Variants in APOBEC3B observed in about 807,000 individuals in gnomAD.
APOBEC3B encodes the protein DNA dC->dU-editing enzyme APOBEC-3B.
APOBEC3B carries 29 observed loss-of-function variants against 53.4 expected under a neutral mutation model. The observed-to-expected ratio is 0.54, with a 90% CI of 0.40 to 0.74. APOBEC3B has a LOEUF of 0.74. APOBEC3B is among the 30% of genes least tolerant of loss of function. The pLI is 0.00. For missense variants in APOBEC3B, 347 were observed against 496.2 expected (o/e 0.70, Z 2.86); for synonymous variants, 132 against 184.8 (o/e 0.71, Z 2.32).
intron 2 of APOBEC3B, 114 bp downstream of exon 2, chr22:38,984,345 C>T: frequency 7.7e-7 from 1 of 1,301,050 alleles, no homozygotes. Context: ...TCAGCAGACT[C>T]ACATCCAAAA....
At position 38,989,627 on chromosome 22, in the gene APOBEC3B, C is replaced by T. The variant is rs536848550; in HGVS notation, c.723+17C>T. On this transcript the variant is annotated intron_variant, in intron 5 of 7. Transcript: ENST00000333467. The stretch of plus-strand genomic sequence containing the variant: ...TGCAACGAGGTGACCGACCCAGCCA[C>T]CTGCATCCAGGCAGGGCCCTCCCAA... 7 of 1,553,808 alleles carry T rather than the reference C, an allele frequency of 4.5e-6. 1 individual carries two copies. In the South Asian group the frequency reaches 5.9e-5, roughly 13 times the overall value.
rs1924057508 is a variant in APOBEC3B at position 38,992,594 on chromosome 22, A to T, written c.*149A>T. The T allele has an allele frequency of 4.5e-6, 7 of 1,550,776 alleles. 1 individual carries two copies. The South Asian group carries it at 7.2e-5, about 16-fold the overall frequency. ...AAGCAATGTGCTCCTGATCAAGTAG[A>T]TTTTTTAAAAATCAGAGTCAATTAA... is the stretch of plus-strand genomic sequence containing the variant. On this transcript the variant is annotated 3_prime_UTR_variant, in exon 8 of 8. Coordinates refer to ENST00000333467, the MANE Select transcript of APOBEC3B (RefSeq NM_004900.5).
intron 5 of APOBEC3B, among the ~76,000 whole-genome samples, chr22:38,990,609 T>A (rs1406923725): frequency 6.8e-6 from 1 of 147,992 alleles, no homozygotes; most frequent in African/African-American, 2.5e-5. Flanking sequence ...GTCCTGCTGG[T>A]CTTCTCTTCC....
In APOBEC3B at chr22:38,982,424, A is replaced by G. The variant is rs576342247; in HGVS notation, c.-30A>G. On this transcript the variant is annotated 5_prime_UTR_variant, in exon 1 of 8. Coordinates refer to ENST00000333467, the MANE Select transcript of APOBEC3B (RefSeq NM_004900.5). ...CACAGAGCTTCAAAAAAAGAGCGGG[A>G]CAGGGACAAGCGTATCTAAGAGGCT... The G allele has an allele frequency of 1.1e-5, 17 of 1,593,368 alleles. 3 individuals carry two copies. The South Asian group carries it at 1.8e-4, about 17-fold the overall frequency.
intron 4 of APOBEC3B, among the ~76,000 whole-genome samples, chr22:38,987,973 C>T (rs1603268196): frequency 6.7e-6 from 1 of 148,322 alleles, no homozygotes; most frequent in East Asian, 2.3e-4. Flanking sequence ...TAGCGGGAGC[C>T]GGTAATCCCA....
intron 4 of APOBEC3B, among the ~76,000 whole-genome samples, chr22:38,987,148 C>T (rs1603268041): frequency 6.7e-6 from 1 of 148,930 alleles, no homozygotes; most frequent in East Asian, 2.3e-4. Context: ...CCAAGACAAG[C>T]CTGCCAGGGA....
In APOBEC3B at chr22:38,986,731, G is replaced by A. The variant is rs530478629; in HGVS notation, c.569+319G>A. Among the ~76,000 whole-genome samples, 34 of 149,024 alleles carry A rather than the reference G, an allele frequency of 2.3e-4. 3 individuals are homozygous for A. The highest frequency in any genetic ancestry group is 4.6e-4 in the Non-Finnish European group (31 of 67,340). On this transcript the variant is annotated intron_variant, in intron 4 of 7. Transcript: ENST00000333467. The stretch of plus-strand genomic sequence containing the variant: ...GGGGACAAGAGGAGGCAAGAGCTCA[G>A]CCTTCCAGGGAACAACTCTGGGCAG...
intron 4 of APOBEC3B, among the ~76,000 whole-genome samples, chr22:38,986,833 G>A (rs1012563125): frequency 6.1e-5 from 9 of 148,372 alleles, no homozygotes; most frequent in Admixed American, 2.8e-4. Flanking sequence ...ACCCCCACCC[G>A]CTATTCCTCC....
Position 38,984,299 on chromosome 22 carries a change from T to C in APOBEC3B, c.174+68T>C. The C allele has an allele frequency of 1.2e-5, 18 of 1,512,902 alleles. 4 individuals carry two copies. The highest frequency in any genetic ancestry group is 3.8e-5 in the South Asian group (3 of 79,794). The allele number at this position is 1,512,902 out of a possible 1,614,324, so 93.7% of individuals were successfully genotyped here. A position where few individuals can be genotyped will look rare whatever the true frequency, so the allele number is the denominator to read the frequency against. ...AATTAGAGGACTGGAGAGACTGATA[T>C]GGGTGAGACAGGAGGATTTATTTAG... On this transcript the variant is annotated intron_variant, in intron 2 of 7. Coordinates refer to ENST00000333467, the MANE Select transcript of APOBEC3B (RefSeq NM_004900.5).
chr22:38,988,665 C>CTCTCTCTTTCTCTCTTTCTCTCTT (rs1555894342), intron 4 of APOBEC3B, among the ~76,000 whole-genome samples: 2 of 8,736 alleles, frequency 2.3e-4, no homozygotes, highest in Non-Finnish European at 3.8e-4. Context: ...TCCTTGCTTC[C>CTCTCTCTTTCTCTCTTTCTCTCTT]TCTCTCTTTC....
At chr22:38,987,424 TC>T (rs1442759374) in intron 4 of APOBEC3B, among the ~76,000 whole-genome samples, 1 of 148,264 alleles carries the variant, frequency 6.7e-6, no homozygotes, top group Non-Finnish European at 1.5e-5. Flanking sequence ...CTGAGACTCT[TC>T]CCTGAAAGTC....
intron 6 of APOBEC3B, 49 bp from the exon 7 acceptor site, chr22:38,991,985 C>A (rs745521139): frequency 6.6e-7 from 1 of 1,513,348 alleles, no homozygotes. Flanking sequence ...CTTGGTGCTG[C>A]CCCCTCCCCA....
Position 38,984,074 on chromosome 22 carries a change from G to A in APOBEC3B, c.18-1G>A, listed in dbSNP as rs532907341. The A allele has an allele frequency of 1.8e-4, 280 of 1,575,326 alleles. 36 individuals carry two copies. In the South Asian group the frequency reaches 3.1e-3, roughly 17 times the overall value. On this transcript the variant is annotated splice_acceptor_variant, in intron 1 of 7. Transcript: ENST00000333467. LOFTEE classifies it high-confidence loss of function. ...GGCCGGTTTCTCTCTTGTGCCTTCA[G>A]AAATCCGATGGAGCGGATGTATCGA...
In APOBEC3B at chr22:38,985,920, A is replaced by AC. The variant is rs1390555956; in HGVS notation, c.288dup (p.Cys97LeufsTer14). ...CCAGATCACCTGGTTTGTATCCTGG[A>AC]CCCCCTGCCCGGACTGTGTGGCGAA... On this transcript the variant is annotated frameshift_variant, in exon 3 of 8. Coordinates refer to ENST00000333467, the MANE Select transcript of APOBEC3B (RefSeq NM_004900.5). LOFTEE classifies it high-confidence loss of function. 8.7e-6 allele frequency: 14 copies of AC among 1,600,594 alleles called. 2 individuals carry two copies. Among genetic ancestry groups the AC allele is most frequent in the Non-Finnish European group, 1.2e-5 (14 of 1,176,348 alleles).
rs546634377 is a variant in APOBEC3B, at chr22:38,989,190, C to T, written c.570-267C>T. ...CCAGGGAGAGGGGCAGGGTCCTCCC[C>T]GGAGGGCCTGAGCACACTGAGCTGA... On this transcript the variant is annotated intron_variant, in intron 4 of 7. Coordinates refer to ENST00000333467, the MANE Select transcript of APOBEC3B (RefSeq NM_004900.5). Among the ~76,000 whole-genome samples, 12 of 147,870 alleles carry T rather than the reference C, an allele frequency of 8.1e-5. 1 individual carries two copies. The South Asian group carries it at 9.0e-4, about 11-fold the overall frequency.
At position 38,986,416 on chromosome 22, in the gene APOBEC3B, A is replaced by G; in HGVS notation, c.569+4A>G. Reference sequence around the variant, plus strand: ...GCACGCTAAAGGAGATTCTCAGGTGAGGGTCTCCCTCTGGCCTCATCATCT... The same window carrying G: ...GCACGCTAAAGGAGATTCTCAGGTGGGGGTCTCCCTCTGGCCTCATCATCT... On this transcript the variant is annotated splice_donor_region_variant and intron_variant, in intron 4 of 7. Transcript: ENST00000333467. 1 of 1,592,336 alleles carries G rather than the reference A, an allele frequency of 6.3e-7. No homozygotes were observed. Among genetic ancestry groups the G allele is most frequent in the South Asian group, 1.1e-5 (1 of 88,638 alleles).
intron 7 of APOBEC3B, 75 bp from the exon 8 acceptor site, chr22:38,992,356 G>A (rs1366966088): frequency 1.3e-6 from 2 of 1,559,692 alleles, no homozygotes; most frequent in Non-Finnish European, 1.7e-6. Flanking sequence ...CATTGTCACT[G>A]TCCCCAGGCC....
In APOBEC3B at chr22:38,985,237, TG is replaced by T. The variant is rs1257878459; in HGVS notation, c.175-573del. On this transcript the variant is annotated intron_variant, in intron 2 of 7. Transcript: ENST00000333467. The stretch of plus-strand genomic sequence containing the variant: ...TCTGTTTTTTTGTTTTGTTTTGTTT[TG>T]GTTTTTTTTTAAGACTGAGTTTCAC... Among the ~76,000 whole-genome samples the T allele has an allele frequency of 2.0e-5, 3 of 147,730 alleles. 1 individual carries two copies. The East Asian group carries it at 6.8e-4, about 33-fold the overall frequency.
intron 4 of APOBEC3B, among the ~76,000 whole-genome samples, chr22:38,988,748 C>T (rs1807558): frequency 0.56 from 33,377 of 59,900 alleles, 9,250 homozygotes; most frequent in South Asian, 0.68. Context: ...TTTCTTTCTT[C>T]CTTTCTTCTC....
Sources: gnomAD v4.1 joint callset for allele counts (sites outside exome capture counted in the v4.1 genomes callset) on GRCh38, gnomAD v4.1.1 for gene constraint, MANE v1.5 for transcripts, NCBI Gene and HGNC (gene_info 2026-07-23, HGNC 2026-07-21) for gene names.